Variants in QTMAN observed in about 807,000 individuals in gnomAD.
QTMAN encodes tRNA-queuosine alpha-mannosyltransferase.
the QTMAN span, chr2:143,940,520 A>T: frequency 6.6e-6 from 1 of 152,232 alleles, no homozygotes; most frequent in African/African-American, 2.4e-5. Flanking sequence ...TCAGAAATTC[A>T]TATCTCAGGC....
At chr2:144,164,612 C>T in the QTMAN span, among the ~76,000 whole-genome samples, 6 of 152,072 alleles carry the variant, frequency 3.9e-5, no homozygotes, top group South Asian at 2.1e-4. Flanking sequence ...CAGATCTTTA[C>T]GCAATAACCA....
chr2:144,098,950 G>A, the QTMAN span, among the ~76,000 whole-genome samples: 1 of 151,968 alleles, frequency 6.6e-6, no homozygotes, highest in Non-Finnish European at 1.5e-5. Context: ...CACATTGCTT[G>A]CTCCCTAATA....
the QTMAN span, among the ~76,000 whole-genome samples, chr2:144,227,027 T>C: frequency 6.6e-6 from 1 of 152,140 alleles, no homozygotes; most frequent in Non-Finnish European, 1.5e-5. Flanking sequence ...TGTTTGCTTG[T>C]GTATTAAAAA....
chr2:144,003,079 T>C, the QTMAN span, among the ~76,000 whole-genome samples: 1 of 151,972 alleles, frequency 6.6e-6, no homozygotes, highest in African/African-American at 2.4e-5. Context: ...TAACATATAT[T>C]TGGTTCTTTG....
At chr2:144,030,994 T>C in the QTMAN span, among the ~76,000 whole-genome samples, 1 of 152,184 alleles carries the variant, frequency 6.6e-6, no homozygotes, top group Non-Finnish European at 1.5e-5. Context: ...CCAAGACTCA[T>C]AAAATGTACC....
chr2:143,997,153 C>T, the QTMAN span, among the ~76,000 whole-genome samples: 98 of 152,014 alleles, frequency 6.4e-4, no homozygotes, highest in Middle Eastern at 3.4e-3. Flanking sequence ...TCTGTAAATA[C>T]CCCCCTTTCA....
chr2:144,125,339 C>T, the QTMAN span, among the ~76,000 whole-genome samples: 1 of 151,934 alleles, frequency 6.6e-6, no homozygotes, highest in Non-Finnish European at 1.5e-5. Context: ...GCATGTAATA[C>T]ATGGTTATTA....
chr2:144,170,185 G>C, the QTMAN span, among the ~76,000 whole-genome samples: 1 of 152,078 alleles, frequency 6.6e-6, no homozygotes, highest in Non-Finnish European at 1.5e-5. Flanking sequence ...TTGGCCAGTG[G>C]TGTTACTTTC....
the QTMAN span, among the ~76,000 whole-genome samples, chr2:143,976,698 T>C: frequency 6.6e-6 from 1 of 152,330 alleles, no homozygotes. Context: ...TAGCCACTGA[T>C]TTCTCAACTT....
chr2:144,209,540 T>C, the QTMAN span, among the ~76,000 whole-genome samples: 1 of 152,208 alleles, frequency 6.6e-6, no homozygotes, highest in Non-Finnish European at 1.5e-5. Flanking sequence ...TCTACAACCT[T>C]TCTTTAGACA....
chr2:144,252,834 T>C, the QTMAN span, among the ~76,000 whole-genome samples: 2 of 152,168 alleles, frequency 1.3e-5, no homozygotes, highest in African/African-American at 2.4e-5. Context: ...TGCCAAAACT[T>C]GGAAGTGGCC....
chr2:144,106,140 A>G, the QTMAN span, among the ~76,000 whole-genome samples: 1 of 152,222 alleles, frequency 6.6e-6, no homozygotes, highest in Non-Finnish European at 1.5e-5. Flanking sequence ...GGTATCAGCC[A>G]CTGCAAAAAC....
chr2:144,081,776 G>C, the QTMAN span, among the ~76,000 whole-genome samples: 1 of 152,148 alleles, frequency 6.6e-6, no homozygotes, highest in Admixed American at 6.5e-5. Context: ...TCTGAAAGAA[G>C]CCTGGGTCAT....
At chr2:144,292,689 A>G in the QTMAN span, among the ~76,000 whole-genome samples, 1 of 152,190 alleles carries the variant, frequency 6.6e-6, no homozygotes, top group Non-Finnish European at 1.5e-5. Flanking sequence ...ACATGCTTAC[A>G]ATGGAAATTG....
At chr2:144,278,059 T>C in the QTMAN span, among the ~76,000 whole-genome samples, 1 of 152,144 alleles carries the variant, frequency 6.6e-6, no homozygotes, top group Non-Finnish European at 1.5e-5. Context: ...TAATGATTCT[T>C]CTGGGGCCAG....
chr2:144,131,860 A>G, the QTMAN span, among the ~76,000 whole-genome samples: 6 of 151,892 alleles, frequency 4.0e-5, no homozygotes, highest in African/African-American at 1.2e-4. Flanking sequence ...TGAGGTTAAT[A>G]CTACCTAGCT....
the QTMAN span, among the ~76,000 whole-genome samples, chr2:144,324,421 T>A: frequency 2.0e-5 from 3 of 151,804 alleles, no homozygotes; most frequent in African/African-American, 7.3e-5. Context: ...ACTAAGTTAC[T>A]AAAAAAAAGA....
the QTMAN span, among the ~76,000 whole-genome samples, chr2:144,218,915 T>TAAAAAAAAAA: frequency 5.5e-5 from 3 of 54,606 alleles, no homozygotes; most frequent in Non-Finnish European, 8.2e-5. Context: ...GGAAAGTATC[T>TAAAAAAAAAA]AAAAAAAAAA....
At chr2:144,097,194 T>C in the QTMAN span, among the ~76,000 whole-genome samples, 1 of 152,372 alleles carries the variant, frequency 6.6e-6, no homozygotes, top group Admixed American at 6.5e-5. Context: ...GGATTTTCCT[T>C]TCTCTGTTCA....
Sources: allele counts gnomAD v4.1 joint callset (sites outside exome capture counted in the v4.1 genomes callset), GRCh38; gene constraint gnomAD v4.1.1; transcripts MANE v1.5; gene names NCBI Gene and HGNC (gene_info 2026-07-23, HGNC 2026-07-21).